The following MYO7A variants were observed in gnomAD, a reference collection of about 807,000 sequenced individuals.
MYO7A encodes myosin VIIA, also known as unconventional myosin-VIIa.
A neutral mutation model predicts 263.8 loss-of-function variants in MYO7A; 210 were observed. The observed-to-expected ratio is 0.80, with a 90% CI of 0.71 to 0.89. MYO7A has a LOEUF of 0.89. Among genes scored for constraint, MYO7A ranks in the 40% least tolerant of loss-of-function variants. MYO7A has a pLI of 0.00. For synonymous variants in MYO7A, 1,239 were observed against 1,197.3 expected, an observed-to-expected ratio of 1.03 and a Z score of -0.72; for missense variants, 2,820 against 2,968.3, an observed-to-expected ratio of 0.95 and a Z score of 1.16.
chr11:77,134,394 A>C (rs1950853853), intron 2 of MYO7A, among the ~76,000 whole-genome samples: 1 of 152,198 alleles, frequency 6.6e-6, no homozygotes. Context: ...TAGATTTATC[A>C]TTATGTTATA....
chr11:77,179,621 G>A (rs1954994703), intron 20 of MYO7A, 114 bp from the exon 21 acceptor site: 6 of 905,310 alleles, frequency 6.6e-6, no homozygotes, highest in Non-Finnish European at 9.8e-6. Context: ...ACTGGGCCAC[G>A]CCTTCTGGGG....
At chr11:77,153,377 G>A (rs1555058497) in intron 4 of MYO7A, among the ~76,000 whole-genome samples, 1 of 152,116 alleles carries the variant, frequency 6.6e-6, no homozygotes, top group African/African-American at 2.4e-5. Flanking sequence ...TGGTCTGGAT[G>A]TGCTGGTGGC....
chr11:77,147,976 G>T, intron 4 of MYO7A, 26 bp downstream of exon 4: 8 of 1,504,126 alleles, frequency 5.3e-6, no homozygotes, highest in Non-Finnish European at 7.1e-6. Context: ...CCCGGTGCCC[G>T]TCCAGGCCCC....
At position 77,159,512 on chromosome 11, in the gene MYO7A, T is replaced by A. The variant is rs797033992; in HGVS notation, c.1069T>A (p.Ser357Thr). ...LFSPSLATAA[S>T]LLEVNPPDLM... ...CTCCCCATCGCTGGCCACAGCTGCA[T>A]CCCTGCTTGAGGTCAGTGCCTGGCC... is the stretch of plus-strand genomic sequence containing the variant. The change falls in exon 10 of 49, where the codon TCC becomes ACC. Residue 357 changes from serine (S) to threonine (T), a missense_variant. By Grantham distance (58) the Ser-to-Thr change is moderately conservative. Transcript: ENST00000409709. The A allele has an allele frequency of 6.2e-7, 1 of 1,611,090 alleles. No individual in the cohort carries two copies. The highest frequency in any genetic ancestry group is 1.3e-5 in the African/African-American group (1 of 74,726).
At position 77,162,961 on chromosome 11, in the gene MYO7A, G is replaced by A; in HGVS notation, c.1663G>A (p.Ala555Thr). 1 of 1,613,692 alleles carries A rather than the reference G, an allele frequency of 6.2e-7. No homozygotes were observed. Among genetic ancestry groups the A allele is most frequent in the African/African-American group, 1.3e-5 (1 of 74,842 alleles). Residue 555 changes from alanine to threonine, a missense_variant, in exon 14 of 49, where the codon GCA becomes ACA. By Grantham distance (58) the Ala-to-Thr change is moderately conservative. Transcript: ENST00000409709. ...GACCCAGTTTGGCATCAACCATTTT[G>A]CAGGCATCGTCTACTATGAGACCCA... ...HETQFGINHF[A>T]GIVYYETQGF... is the part of the protein sequence containing the mutation.
In MYO7A at chr11:77,174,846, T is replaced by C. The variant is rs781851575; in HGVS notation, c.2026T>C (p.Tyr676His). The change falls in exon 17 of 49, where the codon TAC becomes CAC. Residue 676 changes from tyrosine (Y) to histidine (H), a missense_variant. Coordinates refer to ENST00000409709, the MANE Select transcript of MYO7A (RefSeq NM_000260.4). The stretch of plus-strand genomic sequence containing the variant: ...CCGCCGAGCTGGCTACCCCATCCGC[T>C]ACAGCTTCGTAGAGTTTGTGGAGCG... ...RIRRAGYPIR[Y>H]SFVEFVERYR... 3 of 1,613,700 alleles carry C rather than the reference T, an allele frequency of 1.9e-6. No individual in the cohort carries two copies. The South Asian group carries it at 3.3e-5, about 18-fold the overall frequency.
At chr11:77,131,016 T>G (rs1950749639) in intron 2 of MYO7A, among the ~76,000 whole-genome samples, 1 of 151,854 alleles carries the variant, frequency 6.6e-6, no homozygotes, top group African/African-American at 2.4e-5. Flanking sequence ...GAGCCCAACT[T>G]ATTCTTAGGG....
Position 77,201,503 on chromosome 11 carries a change from C to T in MYO7A, c.4908C>T (p.Asp1636=). The change falls in exon 36 of 49, where the codon GAC becomes GAT. Residue 1636 remains aspartate (D), a synonymous_variant. Transcript: ENST00000409709. ...CCAAGGGAGACCTCATCATCCTGGA[C>T]CATGACACGGGCGAGCAGGTCATGA... ...SFAKGDLIIL[D]HDTGEQVMNS... The T allele has an allele frequency of 1.2e-6, 2 of 1,613,980 alleles. No homozygotes were observed. The highest frequency in any genetic ancestry group is 2.2e-5 in the East Asian group (1 of 44,876).
Position 77,166,307 on chromosome 11 carries a change from T to G in MYO7A, c.1797+145T>G. 4 of 698,716 alleles carry G rather than the reference T, an allele frequency of 5.7e-6. 1 individual carries two copies. In the South Asian group the frequency reaches 6.7e-5, roughly 12 times the overall value. 43.3% of individuals were successfully genotyped at this position (698,716 alleles called of 1,614,324 possible). On this transcript the variant is annotated intron_variant, in intron 15 of 48. Coordinates refer to ENST00000409709, the MANE Select transcript of MYO7A (RefSeq NM_000260.4). ...CTTTGCTGTGGCTCCAGGAGGGGCC[T>G]GGAGGGGCCTCAAAGGTGTTCCCAT...
At position 77,192,926 on chromosome 11, in the gene MYO7A, G is replaced by C. The variant is rs61900013; in HGVS notation, c.4152+648G>C. On this transcript the variant is annotated intron_variant, in intron 31 of 48. Transcript: ENST00000409709. Reference sequence around the variant, plus strand: ...TTGGTGATGGTGGAGGGTAGTGATGGTGTTGTTTGTGATGGTGGAGGTAGT... The same window carrying C: ...TTGGTGATGGTGGAGGGTAGTGATGCTGTTGTTTGTGATGGTGGAGGTAGT... Among the ~76,000 whole-genome samples the C allele has an allele frequency of 2.2e-3, 8 of 3,712 alleles. 1 individual carries two copies. Among genetic ancestry groups the C allele is most frequent in the Admixed American group, 0.011 (4 of 364 alleles). 2.4% of individuals were successfully genotyped at this position (3,712 alleles called of 152,430 possible).
intron 14 of MYO7A, among the ~76,000 whole-genome samples, chr11:77,165,336 C>G (rs1555071785): frequency 6.6e-6 from 1 of 152,186 alleles, no homozygotes; most frequent in East Asian, 1.9e-4. Context: ...ACAACCCCCT[C>G]CCCATTAACC....
Position 77,162,144 on chromosome 11 carries a change from C to A in MYO7A, c.1368C>A (p.Phe456Leu), listed in dbSNP as rs559209306. ...VNSFEQLCIN[F>L]ANEHLQQFFV... ...GCTTTGAGCAGCTCTGCATCAACTT[C>A]GCCAATGAGCACCTGCAGCAGTTCT... is the stretch of plus-strand genomic sequence containing the variant. Residue 456 changes from phenylalanine (F) to leucine (L), a missense_variant, in exon 13 of 49, where the codon TTC becomes TTA. By Grantham distance (22) the Phe-to-Leu change is conservative. Transcript: ENST00000409709. 1 of 1,602,870 alleles carries A rather than the reference C, an allele frequency of 6.2e-7. No homozygotes were observed.
At chr11:77,188,427 C>T (rs1235829839) in intron 27 of MYO7A, among the ~76,000 whole-genome samples, 1 of 152,176 alleles carries the variant, frequency 6.6e-6, no homozygotes, top group Non-Finnish European at 1.5e-5. Flanking sequence ...AAATGGGTAA[C>T]TTCAGAATTT....
rs756324342 is a variant in MYO7A, at chr11:77,192,166, G to A, written c.4040G>A (p.Arg1347His). Residue 1347 changes from arginine to histidine, a missense_variant, in exon 31 of 49, where the codon CGC becomes CAC. Coordinates refer to ENST00000409709, the MANE Select transcript of MYO7A (RefSeq NM_000260.4). The part of the protein sequence containing the change: ...ERNAPWRLFF[R>H]KEVFTPWHSP... ...AACGCCCCCTGGAGGCTCTTCTTCC[G>A]CAAAGAGGTCTTCACGCCCTGGCAC... The A allele has an allele frequency of 2.0e-5, 32 of 1,613,896 alleles. No homozygotes were observed. The highest frequency in any genetic ancestry group is 3.3e-5 in the Admixed American group (2 of 60,016).
In MYO7A at chr11:77,201,532, C is replaced by T. The variant is rs369739170; in HGVS notation, c.4937C>T (p.Ser1646Leu). Residue 1646 changes from serine to leucine, a missense_variant, in exon 36 of 49, where the codon TCG becomes TTG. Transcript: ENST00000409709. Reference sequence around the variant, plus strand: ...GACACGGGCGAGCAGGTCATGAACTCGGGCTGGGCCAACGGCATCAATGAG... The same window carrying T: ...GACACGGGCGAGCAGGTCATGAACTTGGGCTGGGCCAACGGCATCAATGAG... The part of the protein sequence containing the change: ...DHDTGEQVMN[S>L]GWANGINERT... The T allele has an allele frequency of 7.4e-6, 12 of 1,613,826 alleles. No individual in the cohort carries two copies. Among genetic ancestry groups the T allele is most frequent in the Non-Finnish European group, 8.5e-6 (10 of 1,179,898 alleles).
At chr11:77,155,174 C>T (rs1276637647) in intron 4 of MYO7A, among the ~76,000 whole-genome samples, 2 of 151,970 alleles carry the variant, frequency 1.3e-5, no homozygotes, top group African/African-American at 4.9e-5. Context: ...GCTGTTGTCC[C>T]CTGTGGCAGG....
At chr11:77,183,183 C>T (rs1555086078) in intron 26 of MYO7A, 26 bp downstream of exon 26, 2 of 1,546,552 alleles carry the variant, frequency 1.3e-6, no homozygotes, top group Non-Finnish European at 1.7e-6. Context: ...GGGGGTCTGG[C>T]AGCCCAGGGG....
In MYO7A at chr11:77,197,483, G is replaced by A. The variant is rs367679149; in HGVS notation, c.4326G>A (p.Gly1442=). The part of the protein sequence containing the change: ...AQLAIAAHKK[G]IYAQRRTDAQ... ...CCTCTGTCCCTCTCTCCTTCCAGGG[G>A]ATTTATGCCCAGAGGAGAACTGATG... The change falls in exon 33 of 49, where the codon GGG becomes GGA. Residue 1442 remains glycine (G), a splice_region_variant and synonymous_variant. Transcript: ENST00000409709. The A allele has an allele frequency of 8.8e-6, 14 of 1,591,272 alleles. No individual in the cohort carries two copies. Among genetic ancestry groups the A allele is most frequent in the Admixed American group, 1.8e-5 (1 of 57,134 alleles).
At chr11:77,135,425 C>T (rs970904924) in intron 2 of MYO7A, among the ~76,000 whole-genome samples, 2 of 152,086 alleles carry the variant, frequency 1.3e-5, no homozygotes, top group Admixed American at 6.6e-5. Flanking sequence ...GGCTGAGTAA[C>T]GTTTTATTGT....
Sources: allele counts gnomAD v4.1 joint callset (sites outside exome capture counted in the v4.1 genomes callset), GRCh38; gene constraint gnomAD v4.1.1; transcripts MANE v1.5; gene names NCBI Gene and HGNC (gene_info 2026-07-23, HGNC 2026-07-21).